SYTL2: variants seen among roughly 807,000 people sequenced by gnomAD.
The protein encoded by SYTL2 is synaptotagmin like 2.
A neutral mutation model predicts 198.7 loss-of-function variants in SYTL2; 165 were observed. That is an observed-to-expected ratio of 0.83 (90% CI 0.73 to 0.94). SYTL2 has a LOEUF of 0.94. Among genes scored for constraint, SYTL2 ranks in the 40% least tolerant of loss-of-function variants. SYTL2 has a pLI of 0.00. For synonymous variants in SYTL2, 966 were observed against 917.7 expected (o/e 1.05, Z -0.95); for missense variants, 2,835 against 2,582.8 (o/e 1.10, Z -2.12).
intron 1 of SYTL2, among the ~76,000 whole-genome samples, chr11:85,776,764 C>T (rs934523012): frequency 3.3e-5 from 5 of 152,146 alleles, no homozygotes; most frequent in African/African-American, 4.8e-5. Context: ...GGTATATGCC[C>T]AGTAATGGGA....
chr11:85,696,488 G>A, intron 18 of SYTL2, 100 bp from the exon 19 acceptor site: 2 of 986,480 alleles, frequency 2.0e-6, no homozygotes, highest in South Asian at 1.4e-5. Flanking sequence ...GACAATGGAG[G>A]AAAAGATGTG....
chr11:85,758,787 C>T (rs1029153417), intron 1 of SYTL2, among the ~76,000 whole-genome samples: 1 of 152,122 alleles, frequency 6.6e-6, no homozygotes, highest in Admixed American at 6.6e-5. Flanking sequence ...GCACAATGTG[C>T]AAGAATCCTA....
At chr11:85,841,851 T>C in the SYTL2 span, among the ~76,000 whole-genome samples, 3 of 152,200 alleles carry the variant, frequency 2.0e-5, no homozygotes, top group Non-Finnish European at 4.4e-5. Flanking sequence ...AATCAAGTGA[T>C]TTATGTGAAT....
Position 85,725,509 on chromosome 11 carries a change from G to A in SYTL2, c.3849C>T (p.Leu1283=). Residue 1283 remains leucine (L), a synonymous_variant, in exon 8 of 20, where the codon CTC becomes CTT. Coordinates refer to ENST00000359152, the MANE Select transcript of SYTL2 (RefSeq NM_206927.4). ...RDETFGNTAL[L]KKAESGECQL... is the part of the protein sequence containing the mutation. ...GGCACTCACCACTTTCAGCTTTCTT[G>A]AGGAGAGCTGTATTTCCAAAAGTTT... 6.2e-7 allele frequency: 1 copy of A among 1,614,030 alleles called. No individual in the cohort carries two copies. Among genetic ancestry groups the A allele is most frequent in the East Asian group, 2.2e-5 (1 of 44,882 alleles).
chr11:85,712,342 A>G (rs755925443), intron 12 of SYTL2, among the ~76,000 whole-genome samples: 19 of 152,166 alleles, frequency 1.2e-4, no homozygotes, highest in Non-Finnish European at 2.6e-4. Context: ...TTTAGCGCCT[A>G]CTGCATTCTA....
intron 1 of SYTL2, among the ~76,000 whole-genome samples, chr11:85,778,712 C>A (rs1186768406): frequency 6.6e-6 from 1 of 152,240 alleles, no homozygotes; most frequent in Non-Finnish European, 1.5e-5. Context: ...TGCAGTGGCT[C>A]ACACTTGTAA....
intron 16 of SYTL2, among the ~76,000 whole-genome samples, chr11:85,702,696 T>C (rs2084530975): frequency 6.6e-6 from 1 of 152,170 alleles, no homozygotes; most frequent in Non-Finnish European, 1.5e-5. Context: ...GCCTGCTGTA[T>C]CAGAAGCAAA....
intron 1 of SYTL2, among the ~76,000 whole-genome samples, chr11:85,766,594 G>C (rs1397383400): frequency 6.6e-6 from 1 of 152,188 alleles, no homozygotes; most frequent in East Asian, 1.9e-4. Flanking sequence ...AAATACCAGA[G>C]AGAAACTTCC....
the SYTL2 span, among the ~76,000 whole-genome samples, chr11:85,830,451 A>T: frequency 6.6e-6 from 1 of 152,184 alleles, no homozygotes; most frequent in Admixed American, 6.5e-5. Context: ...CACATCAAAG[A>T]TCCTAAACCT....
In SYTL2 at chr11:85,757,625, C is replaced by A. The variant is rs1306487034; in HGVS notation, c.101G>T (p.Arg34Ile). 1 of 1,613,680 alleles carries A rather than the reference C, an allele frequency of 6.2e-7. No homozygotes were observed. The highest frequency in any genetic ancestry group is 1.1e-5 in the South Asian group (1 of 91,068). The change falls in exon 2 of 20, where the codon AGA (arginine) becomes ATA (isoleucine). Residue 34 changes from arginine to isoleucine, a missense_variant and splice_region_variant. Transcript: ENST00000359152. ...ALKRAEEERV[R>I]HLPEKIKDDQ... Reference sequence around the variant, plus strand: ...GCCCAAGGCTTCTCTGGCCTCTTACCTGACTCTCTCTTCTTCGGCCCTCTT... The same window carrying A: ...GCCCAAGGCTTCTCTGGCCTCTTACATGACTCTCTCTTCTTCGGCCCTCTT...
chr11:85,747,908 G>A (rs1203782267), intron 3 of SYTL2, among the ~76,000 whole-genome samples: 1 of 152,146 alleles, frequency 6.6e-6, no homozygotes, highest in Non-Finnish European at 1.5e-5. Flanking sequence ...TAAGATCACT[G>A]AAAAGAGAGG....
intron 13 of SYTL2, among the ~76,000 whole-genome samples, chr11:85,710,340 G>A (rs2086034272): frequency 6.6e-6 from 1 of 152,136 alleles, no homozygotes; most frequent in Non-Finnish European, 1.5e-5. Flanking sequence ...CTTCCCAAAG[G>A]CAGATGTTAG....
rs1400572520 is a variant in SYTL2, at chr11:85,704,841, A to G, written c.6189+17T>C. The G allele has an allele frequency of 5.6e-6, 9 of 1,608,390 alleles. 1 individual carries two copies. Among genetic ancestry groups the G allele is most frequent in the South Asian group, 2.2e-5 (2 of 90,274 alleles). On this transcript the variant is annotated intron_variant, in intron 16 of 19. Coordinates refer to ENST00000359152, the MANE Select transcript of SYTL2 (RefSeq NM_206927.4). Reference sequence around the variant, plus strand: ...CATCAACCAACCAAATAAACAAACAAAAAATTCCGGACTCACCTTCCGCTT... The same window carrying G: ...CATCAACCAACCAAATAAACAAACAGAAAATTCCGGACTCACCTTCCGCTT...
At chr11:85,696,585 G>A in intron 18 of SYTL2, 197 bp from the exon 19 acceptor site, 1 of 581,106 alleles carries the variant, frequency 1.7e-6, no homozygotes, top group South Asian at 2.1e-5. Context: ...CCTAGAGTCA[G>A]CTATACTTGG....
At chr11:85,757,156 T>C (rs1256353810) in intron 2 of SYTL2, among the ~76,000 whole-genome samples, 4 of 152,222 alleles carry the variant, frequency 2.6e-5, no homozygotes, top group African/African-American at 9.6e-5. Flanking sequence ...ATACTTTCAG[T>C]TGCCATTAAA....
the SYTL2 span, among the ~76,000 whole-genome samples, chr11:85,833,051 GAAAGAAAGAAAGAAAGAA>G: frequency 6.9e-5 from 2 of 29,006 alleles, no homozygotes; most frequent in Non-Finnish European, 1.4e-4. Flanking sequence ...AAGAAAGAAA[GAAAGAAAGAAAGAAAGAA>G]AGAAAGAAAG....
the SYTL2 span, among the ~76,000 whole-genome samples, chr11:85,840,494 C>CTAACAGCATGGTACTGG: frequency 7.2e-5 from 11 of 152,168 alleles, no homozygotes; most frequent in African/African-American, 2.4e-4. Flanking sequence ...TACTACAGGG[C>CTAACAGCATGGTACTGG]TACCAAAACA....
intron 1 of SYTL2, among the ~76,000 whole-genome samples, chr11:85,764,603 C>T (rs935536734): frequency 6.6e-6 from 1 of 152,212 alleles, no homozygotes; most frequent in Non-Finnish European, 1.5e-5. Context: ...TCTCTTTTCA[C>T]CCTGCTGTTT....
chr11:85,733,834 C>G (rs2090075420), intron 7 of SYTL2, 105 bp downstream of exon 7: 1 of 839,182 alleles, frequency 1.2e-6, no homozygotes, highest in Non-Finnish European at 1.9e-6. Flanking sequence ...CTCCTGACCT[C>G]ATGATCCACC....
Sources: allele counts gnomAD v4.1 joint callset (sites outside exome capture counted in the v4.1 genomes callset), GRCh38; gene constraint gnomAD v4.1.1; transcripts MANE v1.5; gene names NCBI Gene and HGNC (gene_info 2026-07-23, HGNC 2026-07-21).